The following GNAQ variants were observed in gnomAD, a reference collection of about 807,000 sequenced individuals.
The protein encoded by GNAQ is G protein subunit alpha q.
In GNAQ, 8 loss-of-function variants were observed where a neutral mutation model predicts 43.9. The ratio of observed to expected loss-of-function variants is 0.18; its 90% CI spans 0.11 to 0.33. GNAQ has a LOEUF of 0.33. Among genes scored for constraint, GNAQ ranks in the 10% least tolerant of loss-of-function variants. The pLI is 1.00. For missense variants in GNAQ, 158 were observed against 450.8 expected (o/e 0.35, Z 5.88); for synonymous variants, 155 against 170.7 (o/e 0.91, Z 0.71).
chr9:77,840,372 C>T (rs1194330413), intron 2 of GNAQ, among the ~76,000 whole-genome samples: 4 of 137,964 alleles, frequency 2.9e-5, no homozygotes, highest in African/African-American at 2.8e-5. Flanking sequence ...TTTTTTTAGA[C>T]GGAGTCGGAG....
At chr9:77,781,943 T>C (rs1348449865) in intron 5 of GNAQ, among the ~76,000 whole-genome samples, 1 of 152,168 alleles carries the variant, frequency 6.6e-6, no homozygotes, top group Non-Finnish European at 1.5e-5. Flanking sequence ...GCTTTCTCTC[T>C]AAGATCAGGA....
At chr9:77,861,537 T>C (rs888792628) in intron 2 of GNAQ, among the ~76,000 whole-genome samples, 1 of 152,180 alleles carries the variant, frequency 6.6e-6, no homozygotes, top group Admixed American at 6.5e-5. Context: ...ACTTCCTAGA[T>C]ACAATGCGGG....
chr9:77,951,532 A>G (rs1051978991), intron 1 of GNAQ, among the ~76,000 whole-genome samples: 2 of 152,228 alleles, frequency 1.3e-5, no homozygotes, highest in Admixed American at 1.3e-4. Context: ...TTACAAGACA[A>G]ATTAGTCAAC....
At chr9:77,797,683 A>C (rs375188614) in intron 3 of GNAQ, 35 bp from the exon 4 acceptor site, 2 of 1,603,336 alleles carry the variant, frequency 1.2e-6, no homozygotes, top group African/African-American at 1.3e-5. Context: ...AATGTCAGTG[A>C]CACCATCACA....
intron 5 of GNAQ, among the ~76,000 whole-genome samples, chr9:77,731,709 C>G (rs1825492292): frequency 6.6e-6 from 1 of 152,154 alleles, no homozygotes; most frequent in Non-Finnish European, 1.5e-5. Flanking sequence ...AAGGCTTCTA[C>G]TTCAGCATGG....
chr9:77,804,496 A>AAGTAAG (rs1826794057), intron 3 of GNAQ, among the ~76,000 whole-genome samples: 2 of 152,198 alleles, frequency 1.3e-5, no homozygotes, highest in African/African-American at 2.4e-5. Flanking sequence ...CAGCTTGGGC[A>AAGTAAG]ACACAGTAAG....
At chr9:77,939,848 T>C (rs1829289051) in intron 1 of GNAQ, among the ~76,000 whole-genome samples, 1 of 152,176 alleles carries the variant, frequency 6.6e-6, no homozygotes, top group South Asian at 2.1e-4. Flanking sequence ...AATATAAGAC[T>C]GTGTGGCAAG....
chr9:77,816,212 C>T (rs945590731), intron 2 of GNAQ, among the ~76,000 whole-genome samples: 2 of 152,038 alleles, frequency 1.3e-5, no homozygotes, highest in African/African-American at 4.8e-5. Flanking sequence ...TAAGCAGAAA[C>T]TCAATCAGAA....
At chr9:77,771,600 T>C (rs985271748) in intron 5 of GNAQ, among the ~76,000 whole-genome samples, 3 of 152,136 alleles carry the variant, frequency 2.0e-5, no homozygotes, top group Non-Finnish European at 4.4e-5. Context: ...CAATCTCTCA[T>C]TTTAGTGTTT....
intron 1 of GNAQ, among the ~76,000 whole-genome samples, chr9:77,940,689 T>A (rs868459757): frequency 3.9e-5 from 6 of 152,202 alleles, no homozygotes; most frequent in African/African-American, 4.8e-5. Context: ...GCAAGTCGGC[T>A]GCGCGCGGTG....
rs149034326 is a variant in GNAQ, at chr9:77,924,486, A to C, written c.137-2141T>G. Among the ~76,000 whole-genome samples, 801 of 152,346 alleles carry C rather than the reference A, an allele frequency of 5.3e-3. 4 individuals carry two copies. The highest frequency in any genetic ancestry group is 8.5e-3 in the Non-Finnish European group (580 of 68,024). ...GAAGAAATCCTAATTTGTGAGGTTA[A>C]TATCAGGCAACAGGACCTTTTTTCT... is the stretch of plus-strand genomic sequence containing the variant. On this transcript the variant is annotated intron_variant, in intron 1 of 6. Transcript: ENST00000286548.
chr9:78,009,156 TA>T (rs1299099569), intron 1 of GNAQ, among the ~76,000 whole-genome samples: 3 of 152,216 alleles, frequency 2.0e-5, no homozygotes, highest in African/African-American at 7.2e-5. Context: ...TGGAAATTAA[TA>T]TTCACAGAAA....
chr9:77,931,853 G>T lies in GNAQ; in HGVS notation c.137-9508C>A, dbSNP rs529070400. On this transcript the variant is annotated intron_variant, in intron 1 of 6. Coordinates refer to ENST00000286548, the MANE Select transcript of GNAQ (RefSeq NM_002072.5). ...TCAATTAGTTAATCCAAGTAAAGCA[G>T]TACCTGGTAGGAAATAGACAATAAA... Among the ~76,000 whole-genome samples the T allele has an allele frequency of 4.9e-4, 74 of 151,278 alleles. 1 individual carries two copies. The South Asian group carries it at 0.015, about 32-fold the overall frequency.
At chr9:77,950,982 AT>A (rs1822968139) in intron 1 of GNAQ, among the ~76,000 whole-genome samples, 2 of 152,138 alleles carry the variant, frequency 1.3e-5, no homozygotes, top group African/African-American at 4.8e-5. Flanking sequence ...CATTCTTTAG[AT>A]AAGATTAAAA....
intron 2 of GNAQ, among the ~76,000 whole-genome samples, chr9:77,849,115 A>G (rs1234385653): frequency 6.6e-6 from 1 of 152,122 alleles, no homozygotes; most frequent in African/African-American, 2.4e-5. Context: ...ACATGCTGTG[A>G]ATGAGAACAC....
chr9:77,971,784 T>C (rs1029552488), intron 1 of GNAQ, among the ~76,000 whole-genome samples: 4 of 152,102 alleles, frequency 2.6e-5, no homozygotes, highest in African/African-American at 9.7e-5. Context: ...GGCAAGGGCA[T>C]GGAATGTTTT....
At chr9:77,995,032 G>A (rs184277551) in intron 1 of GNAQ, among the ~76,000 whole-genome samples, 7 of 152,202 alleles carry the variant, frequency 4.6e-5, no homozygotes, top group Admixed American at 3.9e-4. Context: ...CTGATATATG[G>A]GCTATGTGTG....
chr9:77,861,900 G>A (rs1263859049), intron 2 of GNAQ, among the ~76,000 whole-genome samples: 1 of 151,972 alleles, frequency 6.6e-6, no homozygotes, highest in East Asian at 1.9e-4. Flanking sequence ...AGCTACTCAG[G>A]AGGCTGAGGC....
chr9:78,017,847 T>A (rs1823858385), intron 1 of GNAQ, among the ~76,000 whole-genome samples: 1 of 152,072 alleles, frequency 6.6e-6, no homozygotes, highest in Non-Finnish European at 1.5e-5. Context: ...AAGAAGCAAT[T>A]CAACTAGAAA....
Sources: gnomAD v4.1 joint callset for allele counts (sites outside exome capture counted in the v4.1 genomes callset) on GRCh38, gnomAD v4.1.1 for gene constraint, MANE v1.5 for transcripts, NCBI Gene and HGNC (gene_info 2026-07-23, HGNC 2026-07-21) for gene names.